PPP1R9A: variants seen among roughly 807,000 people sequenced by gnomAD.
The protein encoded by PPP1R9A is protein phosphatase 1 regulatory subunit 9A, also known as neurabin-1.
PPP1R9A carries 59 observed loss-of-function variants against 141.9 expected under a neutral mutation model. The observed-to-expected ratio is 0.42, with a 90% CI of 0.34 to 0.52. PPP1R9A has a LOEUF of 0.52. PPP1R9A is among the 20% of genes least tolerant of loss of function. The pLI is 0.10. For missense variants in PPP1R9A, 1,444 were observed against 1,611.9 expected (o/e 0.90, Z 1.78); for synonymous variants, 500 against 569.7 (o/e 0.88, Z 1.74).
intron 8 of PPP1R9A, among the ~76,000 whole-genome samples, chr7:95,232,508 C>A (rs1422322031): frequency 6.6e-6 from 1 of 152,010 alleles, no homozygotes; most frequent in Non-Finnish European, 1.5e-5. Context: ...CAACAAAAGC[C>A]AAAGTTGACA....
At chr7:95,075,383 T>G (rs1366332231) in intron 2 of PPP1R9A, among the ~76,000 whole-genome samples, 1 of 152,140 alleles carries the variant, frequency 6.6e-6, no homozygotes, top group Non-Finnish European at 1.5e-5. Flanking sequence ...CCCTCTTAAG[T>G]TCAGAGTCTA....
At chr7:95,067,424 T>A (rs79646927) in intron 2 of PPP1R9A, among the ~76,000 whole-genome samples, 9,552 of 152,254 alleles carry the variant, frequency 0.063, 433 homozygotes, top group Non-Finnish European at 0.098. Context: ...GGCGATACAC[T>A]GGCGGGAAGG....
chr7:94,974,650 A>G (rs1452447946), intron 2 of PPP1R9A, among the ~76,000 whole-genome samples: 2 of 152,200 alleles, frequency 1.3e-5, no homozygotes. Flanking sequence ...TCTCTTCTAA[A>G]AAAACATTGA....
At chr7:95,275,867 T>G (rs953289151) in intron 16 of PPP1R9A, among the ~76,000 whole-genome samples, 2 of 152,164 alleles carry the variant, frequency 1.3e-5, no homozygotes, top group African/African-American at 4.8e-5. Flanking sequence ...ATTATCTTTG[T>G]TAGTGTGGCT....
intron 13 of PPP1R9A, among the ~76,000 whole-genome samples, 197 bp downstream of exon 13, chr7:95,268,904 T>C (rs191991517): frequency 7.2e-5 from 11 of 152,336 alleles, no homozygotes; most frequent in Non-Finnish European, 1.3e-4. Context: ...TTCAGTGAAC[T>C]AACCAAGAGC....
At chr7:95,090,123 C>G (rs1314523807) in intron 2 of PPP1R9A, among the ~76,000 whole-genome samples, 1 of 151,646 alleles carries the variant, frequency 6.6e-6, no homozygotes, top group East Asian at 1.9e-4. Flanking sequence ...AGGATCAAGT[C>G]TTTGGTGGTT....
At chr7:95,259,330 C>A (rs1255918881) in intron 12 of PPP1R9A, among the ~76,000 whole-genome samples, 2 of 150,130 alleles carry the variant, frequency 1.3e-5, no homozygotes, top group African/African-American at 2.4e-5. Context: ...ATATGGTATA[C>A]ATTTTTATAT....
Position 95,005,280 on chromosome 7 carries a change from G to T in PPP1R9A, c.1395+93772G>T, listed in dbSNP as rs548401242. ...AGTTTTCTCCACAGGGCTAAATATG[G>T]TAACAATTTATTGTTTATTCAGGGC... On this transcript the variant is annotated intron_variant, in intron 2 of 19. Coordinates refer to ENST00000433360, the MANE Select transcript of PPP1R9A (RefSeq NM_001166160.2). 9.0e-4 allele frequency among the ~76,000 whole-genome samples: 137 copies of T among 151,942 alleles called. 1 individual carries two copies. Among genetic ancestry groups the T allele is most frequent in the Middle Eastern group, 6.8e-3 (2 of 292 alleles).
At chr7:95,287,101 C>G (rs1285081781) in intron 18 of PPP1R9A, 12 of 1,611,440 alleles carry the variant, frequency 7.4e-6, no homozygotes, top group Non-Finnish European at 9.3e-6. Context: ...TTATTGCTCC[C>G]TCACTCAGAG....
chr7:95,072,792 T>C lies in PPP1R9A; in HGVS notation c.1396-38467T>C, dbSNP rs1314207741. Among the ~76,000 whole-genome samples, 3 of 101,136 alleles carry C rather than the reference T, an allele frequency of 3.0e-5. No homozygotes were observed. The Admixed American group carries it at 4.5e-4, about 15-fold the overall frequency. The allele number at this position is 101,136 out of a possible 152,430, so 66.3% of individuals were successfully genotyped here. On this transcript the variant is annotated intron_variant, in intron 2 of 19. Transcript: ENST00000433360. ...TATATTAAATATATATATTTATATATTATATTTATAATTATTATATATAAT... is the reference window on the plus strand; with the variant it reads ...TATATTAAATATATATATTTATATACTATATTTATAATTATTATATATAAT...
At chr7:95,061,612 C>T (rs28694047) in intron 2 of PPP1R9A, among the ~76,000 whole-genome samples, 74,990 of 151,676 alleles carry the variant, frequency 0.49, 19,444 homozygotes, top group African/African-American at 0.62. Context: ...GGTGCACACC[C>T]GTGGTCTCAG....
At chr7:95,151,638 A>G (rs1166766201) in intron 4 of PPP1R9A, among the ~76,000 whole-genome samples, 3 of 151,658 alleles carry the variant, frequency 2.0e-5, no homozygotes, top group Non-Finnish European at 4.4e-5. Flanking sequence ...AACAATAATG[A>G]TGTGTCTTTA....
chr7:94,966,549 C>T (rs1463412026), intron 2 of PPP1R9A, among the ~76,000 whole-genome samples: 2 of 152,104 alleles, frequency 1.3e-5, no homozygotes, highest in African/African-American at 4.8e-5. Context: ...TATTGAAGGC[C>T]TTTTCTGCAT....
At chr7:95,203,436 G>A (rs1056161977) in intron 6 of PPP1R9A, among the ~76,000 whole-genome samples, 9 of 152,128 alleles carry the variant, frequency 5.9e-5, no homozygotes, top group Non-Finnish European at 1.0e-4. Context: ...ATTATGGTTG[G>A]CCTTTTAATA....
intron 2 of PPP1R9A, among the ~76,000 whole-genome samples, chr7:94,925,788 C>T (rs1034202976): frequency 1.6e-4 from 25 of 151,946 alleles, no homozygotes; most frequent in African/African-American, 6.0e-4. Flanking sequence ...CTCCCCCTCC[C>T]CCCACCTGAA....
At chr7:95,079,483 G>A (rs28885813) in intron 2 of PPP1R9A, among the ~76,000 whole-genome samples, 49,860 of 151,580 alleles carry the variant, frequency 0.33, 9,601 homozygotes, top group Non-Finnish European at 0.44. Context: ...GGACCAGATG[G>A]ATTCACAGCC....
At chr7:95,094,940 G>C (rs1339798630) in intron 2 of PPP1R9A, among the ~76,000 whole-genome samples, 1 of 149,714 alleles carries the variant, frequency 6.7e-6, no homozygotes, top group Non-Finnish European at 1.5e-5. Context: ...TTTCATGTGG[G>C]TGTGTAGGAG....
intron 2 of PPP1R9A, among the ~76,000 whole-genome samples, chr7:95,103,496 T>G (rs1268512068): frequency 2.0e-5 from 3 of 151,672 alleles, no homozygotes; most frequent in Non-Finnish European, 1.5e-5. Flanking sequence ...GCCTCCTGAG[T>G]AGCTGGGACT....
chr7:95,271,616 A>G (rs1299745366), intron 14 of PPP1R9A, among the ~76,000 whole-genome samples: 1 of 152,186 alleles, frequency 6.6e-6, no homozygotes, highest in Non-Finnish European at 1.5e-5. Flanking sequence ...AAAGGAAGAG[A>G]TAGTCAAGTA....
Sources: allele counts gnomAD v4.1 joint callset (sites outside exome capture counted in the v4.1 genomes callset), GRCh38; gene constraint gnomAD v4.1.1; transcripts MANE v1.5; gene names NCBI Gene and HGNC (gene_info 2026-07-23, HGNC 2026-07-21).